The following CDH11 variants were observed in gnomAD, a reference collection of about 807,000 sequenced individuals.
CDH11 encodes the protein cadherin 11, also known as cadherin-11.
In CDH11, 11 loss-of-function variants were observed where a neutral mutation model predicts 67.8. The ratio of observed to expected loss-of-function variants is 0.16; its 90% CI spans 0.10 to 0.27. The LOEUF is 0.27. Among genes scored for constraint, CDH11 ranks in the 10% least tolerant of loss-of-function variants. The pLI, the probability that CDH11 is intolerant of heterozygous loss-of-function variation, is 1.00. For synonymous variants in CDH11, 419 were observed against 400.0 expected (o/e 1.05, Z -0.57); for missense variants, 847 against 1,031.2 (o/e 0.82, Z 2.45).
chr16:64,946,527 T>C lies in CDH11; in HGVS notation c.*1076A>G. 2 of 1,030,636 alleles carry C rather than the reference T, an allele frequency of 1.9e-6. No homozygotes were observed. Among genetic ancestry groups the C allele is most frequent in the East Asian group, 6.1e-5 (1 of 16,304 alleles). 63.8% of individuals were successfully genotyped at this position (1,030,636 alleles called of 1,614,324 possible). On this transcript the variant is annotated 3_prime_UTR_variant, in exon 13 of 13. Coordinates refer to ENST00000268603, the MANE Select transcript of CDH11 (RefSeq NM_001797.4). ...CTAGTTCTTTCACATCCTTCTTTTT[T>C]AGAAGATGTGTGTGAAGAGAAGCCA...
At chr16:65,120,816 G>A (rs1022112665) in intron 1 of CDH11, among the ~76,000 whole-genome samples, 3 of 151,884 alleles carry the variant, frequency 2.0e-5, no homozygotes, top group African/African-American at 7.2e-5. Context: ...AACGGACAAG[G>A]AAGCCGGACC....
chr16:64,962,902 T>C (rs1354128440), intron 11 of CDH11, among the ~76,000 whole-genome samples: 3 of 152,128 alleles, frequency 2.0e-5, no homozygotes, highest in Non-Finnish European at 4.4e-5. Context: ...AAGTTTACAG[T>C]TCAGAGGCAC....
At chr16:64,955,849 C>T (rs977431388) in intron 11 of CDH11, among the ~76,000 whole-genome samples, 1 of 152,126 alleles carries the variant, frequency 6.6e-6, no homozygotes, top group East Asian at 1.9e-4. Flanking sequence ...TAACGAAACC[C>T]CTTTACTAGA....
chr16:65,090,996 T>G (rs2074783556), intron 1 of CDH11, among the ~76,000 whole-genome samples: 1 of 152,242 alleles, frequency 6.6e-6, no homozygotes, highest in Admixed American at 6.5e-5. Flanking sequence ...CCTAGGCAAC[T>G]GCTGCTGGCA....
intron 11 of CDH11, among the ~76,000 whole-genome samples, chr16:64,954,723 G>A (rs546158148): frequency 1.3e-4 from 20 of 152,218 alleles, no homozygotes; most frequent in East Asian, 1.9e-4. Context: ...ATGGGAGTGC[G>A]AGCCTTCTCT....
At chr16:64,973,305 T>A (rs1230710297) in intron 8 of CDH11, among the ~76,000 whole-genome samples, 13 of 152,200 alleles carry the variant, frequency 8.5e-5, no homozygotes, top group Non-Finnish European at 1.9e-4. Flanking sequence ...TGGTGCATAT[T>A]TCTCCATATT....
intron 6 of CDH11, among the ~76,000 whole-genome samples, chr16:64,991,095 CTTCTG>C (rs2072618645): frequency 6.6e-6 from 1 of 152,154 alleles, no homozygotes; most frequent in Non-Finnish European, 1.5e-5. Flanking sequence ...CCAGTGGAAA[CTTCTG>C]AAGCTAGTTA....
chr16:65,031,975 G>C (rs1279425099), intron 2 of CDH11, among the ~76,000 whole-genome samples: 1 of 152,132 alleles, frequency 6.6e-6, no homozygotes, highest in Admixed American at 6.5e-5. Context: ...AAGAAGCAGA[G>C]TGTCTAAGAC....
chr16:65,013,665 A>C (rs765071034), intron 2 of CDH11, among the ~76,000 whole-genome samples: 2 of 151,960 alleles, frequency 1.3e-5, no homozygotes, highest in Non-Finnish European at 2.9e-5. Flanking sequence ...TCTACTAAAA[A>C]AATATACAAA....
intron 8 of CDH11, among the ~76,000 whole-genome samples, chr16:64,976,562 A>C (rs1375679461): frequency 1.3e-5 from 2 of 152,214 alleles, no homozygotes; most frequent in East Asian, 1.9e-4. Flanking sequence ...CCATTAGATA[A>C]AAAGTTTGGA....
At chr16:65,122,277 G>A (rs2075348768), upstream of CDH11, 1 of 390,330 alleles carries the variant, frequency 2.6e-6, no homozygotes, top group Non-Finnish European at 4.6e-6. Flanking sequence ...TCCCCCCAGG[G>A]GCCCAGAGAT....
intron 12 of CDH11, chr16:64,948,767 G>C (rs544878990): frequency 6.3e-7 from 1 of 1,599,838 alleles, no homozygotes; most frequent in Non-Finnish European, 8.5e-7. Context: ...GGAGAGGGGG[G>C]TTCCATTAAG....
At chr16:65,105,047 T>C (rs920266932) in intron 1 of CDH11, among the ~76,000 whole-genome samples, 4 of 152,162 alleles carry the variant, frequency 2.6e-5, no homozygotes, top group Admixed American at 2.0e-4. Context: ...TAAATAAATA[T>C]CTGAGGTCCT....
At chr16:65,025,913 G>A (rs575109423) in intron 2 of CDH11, among the ~76,000 whole-genome samples, 1 of 152,246 alleles carries the variant, frequency 6.6e-6, no homozygotes, top group African/African-American at 2.4e-5. Context: ...AGTGGGGAGA[G>A]GAGGGATAGC....
At chr16:65,098,443 T>A (rs373406312) in intron 1 of CDH11, among the ~76,000 whole-genome samples, 90 of 152,328 alleles carry the variant, frequency 5.9e-4, no homozygotes, top group African/African-American at 2.0e-3. Context: ...ACATGTGCTG[T>A]TGGGAATTTA....
intron 2 of CDH11, among the ~76,000 whole-genome samples, chr16:65,020,558 C>T (rs1325722711): frequency 3.3e-5 from 5 of 152,048 alleles, no homozygotes; most frequent in Non-Finnish European, 5.9e-5. Context: ...CTTGAACTCC[C>T]GACCTCAAGT....
At chr16:65,067,028 C>T (rs1262658709) in intron 1 of CDH11, among the ~76,000 whole-genome samples, 6 of 152,096 alleles carry the variant, frequency 3.9e-5, no homozygotes, top group Admixed American at 2.0e-4. Context: ...GTTGCAGGGG[C>T]TGTGGTGTGG....
chr16:65,011,017 G>GTATATATATGGC (rs2073169384), intron 2 of CDH11, among the ~76,000 whole-genome samples: 1 of 144,908 alleles, frequency 6.9e-6, no homozygotes, highest in African/African-American at 2.5e-5. Flanking sequence ...ATATATATGT[G>GTATATATATGGC]TATATATATA....
chr16:65,083,053 A>C (rs1484464868), intron 1 of CDH11, among the ~76,000 whole-genome samples: 1 of 152,204 alleles, frequency 6.6e-6, no homozygotes, highest in Non-Finnish European at 1.5e-5. Flanking sequence ...ATTGAGTAGG[A>C]ATCCCATGAA....
Sources: gnomAD v4.1 joint callset for allele counts (sites outside exome capture counted in the v4.1 genomes callset) on GRCh38, gnomAD v4.1.1 for gene constraint, MANE v1.5 for transcripts, NCBI Gene and HGNC (gene_info 2026-07-23, HGNC 2026-07-21) for gene names.